Variants in SLC11A2 observed in about 807,000 individuals in gnomAD.
The protein encoded by SLC11A2 is solute carrier family 11 member 2.
A neutral mutation model predicts 68.0 loss-of-function variants in SLC11A2; 38 were observed. The observed-to-expected ratio is 0.56, with a 90% CI of 0.43 to 0.73. The LOEUF is 0.73. Ranked by LOEUF, SLC11A2 falls within the 30% of genes least tolerant of loss-of-function variation. The probability of loss-of-function intolerance (pLI) is 0.00; values close to 1 mark genes in which losing one functional copy is unlikely to be tolerated. For synonymous variants in SLC11A2, 242 were observed against 250.6 expected, an observed-to-expected ratio of 0.97 and a Z score of 0.32; for missense variants, 517 against 690.5, an observed-to-expected ratio of 0.75 and a Z score of 2.82.
the SLC11A2 span, among the ~76,000 whole-genome samples, chr12:50,954,734 A>G: frequency 6.6e-6 from 1 of 152,170 alleles, no homozygotes; most frequent in Non-Finnish European, 1.5e-5. Context: ...TCAAAAACAA[A>G]CAAACAAATA....
In SLC11A2 at chr12:50,986,354, C is replaced by T. The variant is rs563773129; in HGVS notation, c.*1971G>A. On this transcript the variant is annotated 3_prime_UTR_variant, in exon 16 of 16. Transcript: ENST00000262052. Reference sequence around the variant, plus strand: ...TTTCTGTGAAGATCAAATGCAATAACGTATGAGGGTATTTTTAACACTGTG... The same window carrying T: ...TTTCTGTGAAGATCAAATGCAATAATGTATGAGGGTATTTTTAACACTGTG... 4.7e-5 allele frequency: 60 copies of T among 1,280,704 alleles called. No homozygotes were observed. Among genetic ancestry groups the T allele is most frequent in the Middle Eastern group, 3.3e-4 (1 of 3,074 alleles). The allele number at this position is 1,280,704 out of a possible 1,614,324, so 79.3% of individuals were successfully genotyped here. A position where few individuals can be genotyped will look rare whatever the true frequency, so the allele number is the denominator to read the frequency against.
At chr12:51,015,013 T>TAA (rs1399490535) in intron 1 of SLC11A2, among the ~76,000 whole-genome samples, 1 of 146,676 alleles carries the variant, frequency 6.8e-6, no homozygotes, top group Non-Finnish European at 1.5e-5. Context: ...ATACAAAAGT[T>TAA]AGCCAGCGTG....
chr12:50,995,711 G>A lies in SLC11A2; in HGVS notation c.908C>T (p.Ala303Val). ...NKYFFIESCI[A>V]LFVSFIINVF... ...ATTGATGATGAAGGAAACAAAGAGT[G>A]CAATGCAGGATTCAATGAAAAAGTA... Residue 303 changes from alanine to valine, a missense_variant, in exon 10 of 16, where the codon GCA (alanine) becomes GTA (valine). Coordinates refer to ENST00000262052, the MANE Select transcript of SLC11A2 (RefSeq NM_000617.3). 6.2e-7 allele frequency: 1 copy of A among 1,613,950 alleles called. No individual in the cohort carries two copies. Among genetic ancestry groups the A allele is most frequent in the Non-Finnish European group, 8.5e-7 (1 of 1,179,820 alleles).
At chr12:51,009,373 T>C (rs534460380) in intron 2 of SLC11A2, 20 of 1,086,272 alleles carry the variant, frequency 1.8e-5, no homozygotes, top group Admixed American at 4.3e-5. Flanking sequence ...ATCTTAAATA[T>C]TGGGAAGCAG....
In SLC11A2 at chr12:51,008,443, A is replaced by C. The variant is rs781232247; in HGVS notation, c.183+33T>G. ...TTTCACTCACAGGTTTTCCCCAGAC[A>C]ATAGTGTTCTCCTCCAAGGACCTGA... On this transcript the variant is annotated intron_variant, in intron 3 of 15. Coordinates refer to ENST00000262052, the MANE Select transcript of SLC11A2 (RefSeq NM_000617.3). 19 of 1,593,100 alleles carry C rather than the reference A, an allele frequency of 1.2e-5. No homozygotes were observed. In the Admixed American group the frequency reaches 3.2e-4, roughly 27 times the overall value.
At position 50,988,074 on chromosome 12, in the gene SLC11A2, T is replaced by G; in HGVS notation, c.*251A>C. On this transcript the variant is annotated 3_prime_UTR_variant, in exon 16 of 16. Transcript: ENST00000262052. ...GGCCCTTGGGCAACTACTTAAGAAT[T>G]TAGTGTTGGAATGATAGCAGCAAAT... is the stretch of plus-strand genomic sequence containing the variant. 1.4e-6 allele frequency: 2 copies of G among 1,432,392 alleles called. No individual in the cohort carries two copies. Among genetic ancestry groups the G allele is most frequent in the Non-Finnish European group, 1.8e-6 (2 of 1,082,546 alleles). 88.7% of individuals were successfully genotyped at this position (1,432,392 alleles called of 1,614,324 possible). A position where few individuals can be genotyped will look rare whatever the true frequency, so the allele number is the denominator to read the frequency against.
chr12:50,957,207 C>T, the SLC11A2 span, among the ~76,000 whole-genome samples: 1 of 146,714 alleles, frequency 6.8e-6, no homozygotes, highest in Non-Finnish European at 1.5e-5. Flanking sequence ...AAATTACTTG[C>T]TTTTTTTTCT....
At chr12:50,956,645 C>T in the SLC11A2 span, among the ~76,000 whole-genome samples, 3 of 152,156 alleles carry the variant, frequency 2.0e-5, no homozygotes, top group Non-Finnish European at 2.9e-5. Flanking sequence ...GATTATTTGG[C>T]TTTGCTTGTT....
chr12:50,964,252 T>C, the SLC11A2 span, among the ~76,000 whole-genome samples: 15 of 152,222 alleles, frequency 9.9e-5, no homozygotes, highest in Non-Finnish European at 1.9e-4. Context: ...TGGTTATTGC[T>C]AGTATTATAT....
At chr12:51,026,120 G>C (rs1271669769) in intron 1 of SLC11A2, 190 bp downstream of exon 1, 1 of 1,093,018 alleles carries the variant, frequency 9.1e-7, no homozygotes, top group East Asian at 1.1e-4. Context: ...TGAATGGCGC[G>C]ACTCCATCAG....
chr12:50,995,263 T>G (rs1274254633), intron 10 of SLC11A2, among the ~76,000 whole-genome samples: 1 of 152,166 alleles, frequency 6.6e-6, no homozygotes, highest in Non-Finnish European at 1.5e-5. Context: ...GAGCCAAGAC[T>G]GTGCCACTGC....
At chr12:50,993,380 T>C (rs1941374192) in intron 11 of SLC11A2, among the ~76,000 whole-genome samples, 1 of 152,058 alleles carries the variant, frequency 6.6e-6, no homozygotes, top group South Asian at 2.1e-4. Context: ...GAGACTCCAG[T>C]AAAAACACTT....
the SLC11A2 span, among the ~76,000 whole-genome samples, chr12:50,957,842 G>A: frequency 1.3e-5 from 2 of 151,934 alleles, no homozygotes; most frequent in South Asian, 4.2e-4. Context: ...CCGAGATCAT[G>A]CCACTGCACT....
chr12:51,027,827 G>A (rs1022403369), upstream of SLC11A2, among the ~76,000 whole-genome samples: 1 of 146,942 alleles, frequency 6.8e-6, no homozygotes, highest in African/African-American at 2.5e-5. Context: ...TAGTAAGAGA[G>A]ACCAAGAAAT....
downstream of SLC11A2, among the ~76,000 whole-genome samples, chr12:50,985,695 A>C (rs1940474151): frequency 6.6e-6 from 1 of 152,218 alleles, no homozygotes; most frequent in South Asian, 2.1e-4. Context: ...AGAGAAAAGC[A>C]GAATAAAATT....
In SLC11A2 at chr12:51,026,337, G is replaced by A. The variant is rs1415754800; in HGVS notation, c.-66C>T. On this transcript the variant is annotated 5_prime_UTR_variant, in exon 1 of 16. Transcript: ENST00000262052. ...TACCAGCTCCGCAACCACCTGACACGCCGCCCCCGCGCCCAGGGCTCCATA... is the reference window on the plus strand; with the variant it reads ...TACCAGCTCCGCAACCACCTGACACACCGCCCCCGCGCCCAGGGCTCCATA... 10 of 1,276,500 alleles carry A rather than the reference G, an allele frequency of 7.8e-6. No individual in the cohort carries two copies. The highest frequency in any genetic ancestry group is 1.1e-4 in the East Asian group (2 of 17,670). The allele number at this position is 1,276,500 out of a possible 1,614,324, so 79.1% of individuals were successfully genotyped here. A position where few individuals can be genotyped will look rare whatever the true frequency, so the allele number is the denominator to read the frequency against.
downstream of SLC11A2, among the ~76,000 whole-genome samples, chr12:50,982,814 G>A (rs552446118): frequency 2.7e-5 from 4 of 150,008 alleles, no homozygotes; most frequent in African/African-American, 9.8e-5. Flanking sequence ...GGTGGCGCAT[G>A]CCTGTAATCC....
At chr12:51,028,375 C>G, upstream of SLC11A2, 1 of 563,368 alleles carries the variant, frequency 1.8e-6, no homozygotes. Flanking sequence ...AGAGGCAAAC[C>G]ACGCCCTCCA....
downstream of SLC11A2, chr12:50,980,696 T>C (rs1021910403): frequency 8.5e-5 from 13 of 152,212 alleles, no homozygotes; most frequent in Non-Finnish European, 7.3e-5. Flanking sequence ...CATTTAGCAT[T>C]CCCTAGGAGA....
Sources: gnomAD v4.1 joint callset for allele counts (sites outside exome capture counted in the v4.1 genomes callset) on GRCh38, gnomAD v4.1.1 for gene constraint, MANE v1.5 for transcripts, NCBI Gene and HGNC (gene_info 2026-07-23, HGNC 2026-07-21) for gene names.